Variants in ZFAT observed in about 807,000 individuals in gnomAD.
The protein encoded by ZFAT is zinc finger and AT-hook domain containing.
Under a neutral mutation model 117.7 loss-of-function variants are expected in ZFAT, and 64 were observed. The observed-to-expected ratio is 0.54, with a 90% CI of 0.44 to 0.67. The LOEUF (loss-of-function observed/expected upper bound fraction) is 0.67. Among genes scored for constraint, ZFAT ranks in the 30% least tolerant of loss-of-function variants. ZFAT has a pLI of 0.00. For missense variants in ZFAT, 1,433 were observed against 1,584.5 expected, an observed-to-expected ratio of 0.90 and a Z score of 1.62; for synonymous variants, 679 against 615.0, an observed-to-expected ratio of 1.10 and a Z score of -1.54.
At chr8:134,644,908 C>T (rs55650389) in intron 2 of ZFAT, among the ~76,000 whole-genome samples, 22,914 of 152,142 alleles carry the variant, frequency 0.15, 2,255 homozygotes, top group Non-Finnish European at 0.22. Context: ...TACACAATCA[C>T]ATGCACACAC....
intron 4 of ZFAT, among the ~76,000 whole-genome samples, chr8:134,609,449 T>C (rs1007867517): frequency 1.2e-4 from 18 of 152,302 alleles, no homozygotes; most frequent in African/African-American, 4.1e-4. Context: ...CTGAAGTGAG[T>C]AGGGCAGACA....
At chr8:134,565,732 G>A (rs1824411962) in intron 10 of ZFAT, 7 of 433,772 alleles carry the variant, frequency 1.6e-5, no homozygotes, top group East Asian at 5.2e-5. Flanking sequence ...CAGAGAGAAG[G>A]GCATCAAGGG....
chr8:134,805,289 G>T, the ZFAT span, among the ~76,000 whole-genome samples: 19 of 152,184 alleles, frequency 1.2e-4, no homozygotes, highest in African/African-American at 4.6e-4. Context: ...AAACACATTA[G>T]AATGATAACC....
At chr8:134,705,779 T>G (rs1157479536) in intron 1 of ZFAT, among the ~76,000 whole-genome samples, 1 of 151,732 alleles carries the variant, frequency 6.6e-6, no homozygotes, top group Non-Finnish European at 1.5e-5. Flanking sequence ...CCTCAGGTGA[T>G]CCACCCGCCT....
chr8:134,497,034 G>C (rs769637413), intron 15 of ZFAT, among the ~76,000 whole-genome samples: 1 of 152,240 alleles, frequency 6.6e-6, no homozygotes, highest in Non-Finnish European at 1.5e-5. Flanking sequence ...CTTTTATGCA[G>C]AGGCAGCTGC....
At chr8:134,505,599 G>A (rs1233349070) in intron 15 of ZFAT, among the ~76,000 whole-genome samples, 6 of 152,246 alleles carry the variant, frequency 3.9e-5, no homozygotes, top group African/African-American at 1.2e-4. Context: ...GCTGGCAATC[G>A]CAATTTGCCC....
the ZFAT span, among the ~76,000 whole-genome samples, chr8:134,776,772 A>T: frequency 6.6e-6 from 1 of 152,196 alleles, no homozygotes; most frequent in African/African-American, 2.4e-5. Context: ...GGAATGAATA[A>T]CGGTGCTTAA....
chr8:134,817,394 TACACACACACAC>T, the ZFAT span, among the ~76,000 whole-genome samples: 176 of 126,068 alleles, frequency 1.4e-3, 1 homozygote, highest in East Asian at 9.1e-3. Flanking sequence ...TCTCTCTCTC[TACACACACACAC>T]ACACACACAC....
chr8:134,697,183 C>T (rs1034773007), intron 1 of ZFAT, among the ~76,000 whole-genome samples: 2 of 152,042 alleles, frequency 1.3e-5, no homozygotes, highest in African/African-American at 2.4e-5. Flanking sequence ...GGCACGATCT[C>T]GGCTTACTGC....
chr8:134,565,081 G>A, intron 11 of ZFAT: 7 of 1,466,998 alleles, frequency 4.8e-6, no homozygotes, highest in South Asian at 2.4e-5. Context: ...CAAAGATCGT[G>A]CCTTTTCTTC....
chr8:134,702,492 T>G (rs1200722793), intron 1 of ZFAT, among the ~76,000 whole-genome samples: 1 of 152,154 alleles, frequency 6.6e-6, no homozygotes, highest in Non-Finnish European at 1.5e-5. Context: ...CATACTGTTC[T>G]GATGATAGTT....
intron 3 of ZFAT, among the ~76,000 whole-genome samples, chr8:134,615,015 C>G (rs534780864): frequency 5.7e-4 from 86 of 152,168 alleles, no homozygotes; most frequent in Admixed American, 3.7e-3. Flanking sequence ...AAAGAAAAAC[C>G]TGGAAGAGAC....
chr8:134,744,787 T>C, the ZFAT span, among the ~76,000 whole-genome samples: 6 of 130,354 alleles, frequency 4.6e-5, no homozygotes, highest in East Asian at 1.2e-3. Context: ...TGGAGTGCAG[T>C]GGCCTGATCT....
chr8:134,614,948 G>A (rs1828612033), intron 3 of ZFAT, among the ~76,000 whole-genome samples: 1 of 152,216 alleles, frequency 6.6e-6, no homozygotes. Context: ...GAAGGTAGGA[G>A]AAAGGAAGTT....
At chr8:134,532,561 A>G (rs948466288) in intron 12 of ZFAT, among the ~76,000 whole-genome samples, 1 of 152,228 alleles carries the variant, frequency 6.6e-6, no homozygotes, top group African/African-American at 2.4e-5. Context: ...CTGACAAATC[A>G]GCATTGTGGA....
At chr8:134,624,180 G>GCACA (rs57195425) in intron 3 of ZFAT, among the ~76,000 whole-genome samples, 7,581 of 146,202 alleles carry the variant, frequency 0.052, 217 homozygotes, top group African/African-American at 0.085. Flanking sequence ...ATGTGCACAT[G>GCACA]CACACACACA....
intron 10 of ZFAT, among the ~76,000 whole-genome samples, chr8:134,581,380 T>A (rs1421120051): frequency 6.6e-6 from 1 of 152,158 alleles, no homozygotes; most frequent in East Asian, 1.9e-4. Context: ...CCCTCCTATT[T>A]CCATCCCTTT....
chr8:134,787,745 AT>A, the ZFAT span, among the ~76,000 whole-genome samples: 1 of 152,142 alleles, frequency 6.6e-6, no homozygotes, highest in East Asian at 1.9e-4. Context: ...GAAGTTACAG[AT>A]TAATTTACAA....
At position 134,566,117 on chromosome 8, in the gene ZFAT, G is replaced by T. The variant is rs568046906; in HGVS notation, c.2888-696C>A. On this transcript the variant is annotated intron_variant, in intron 10 of 15. Coordinates refer to ENST00000377838, the MANE Select transcript of ZFAT (RefSeq NM_020863.4). ...CTTAAAAAGATTAAGGTTTTAGGCC[G>T]GGCGCGGTGGCTCATGCCTGTAATC... is the stretch of plus-strand genomic sequence containing the variant. Among the ~76,000 whole-genome samples the T allele has an allele frequency of 2.8e-4, 42 of 152,214 alleles. 1 individual carries two copies. Among genetic ancestry groups the T allele is most frequent in the African/African-American group, 9.4e-4 (39 of 41,540 alleles).
Sources: allele counts gnomAD v4.1 joint callset (sites outside exome capture counted in the v4.1 genomes callset), GRCh38; gene constraint gnomAD v4.1.1; transcripts MANE v1.5; gene names NCBI Gene and HGNC (gene_info 2026-07-23, HGNC 2026-07-21).